Variants in GAK observed in about 807,000 individuals in gnomAD.
GAK encodes the protein cyclin-G-associated kinase.
A neutral mutation model predicts 143.9 loss-of-function variants in GAK; 79 were observed. The ratio of observed to expected loss-of-function variants is 0.55; its 90% CI spans 0.46 to 0.66. The LOEUF is 0.66. GAK is among the 30% of genes least tolerant of loss of function. The pLI, the probability that GAK is intolerant of heterozygous loss-of-function variation, is 0.00. For synonymous variants in GAK, 881 were observed against 765.5 expected (o/e 1.15, Z -2.49); for missense variants, 1,693 against 1,779.7 (o/e 0.95, Z 0.88).
chr4:913,544 T>C, intron 2 of GAK, 63 bp downstream of exon 2: 1 of 1,262,608 alleles, frequency 7.9e-7, no homozygotes, highest in South Asian at 1.2e-5. Flanking sequence ...CTGAAAAGAC[T>C]GTCACCAGAC....
At chr4:905,376 T>C (rs545863573) in intron 4 of GAK, among the ~76,000 whole-genome samples, 32 of 152,328 alleles carry the variant, frequency 2.1e-4, no homozygotes, top group African/African-American at 7.0e-4. Flanking sequence ...GTTAACATCA[T>C]CACCGTGGAG....
chr4:914,746 C>CCACA (rs1722787722), intron 1 of GAK, among the ~76,000 whole-genome samples: 6 of 115,254 alleles, frequency 5.2e-5, no homozygotes, highest in Non-Finnish European at 1.1e-4. Context: ...GTGCAAGGCC[C>CCACA]CACACACAGC....
chr4:872,737 G>C (rs1403977537), intron 18 of GAK: 3 of 152,568 alleles, frequency 2.0e-5, no homozygotes, highest in Non-Finnish European at 4.4e-5. Flanking sequence ...TGCAGGCTCG[G>C]CTCACCCAGC....
At chr4:905,655 G>A (rs186344237) in intron 4 of GAK, among the ~76,000 whole-genome samples, 8 of 149,252 alleles carry the variant, frequency 5.4e-5, no homozygotes, top group Non-Finnish European at 7.4e-5. Context: ...GCCATGCCAC[G>A]GACTCTGCCA....
intron 24 of GAK, chr4:859,201 G>A (rs1490382383): frequency 1.0e-6 from 1 of 985,468 alleles, no homozygotes; most frequent in Non-Finnish European, 1.2e-6. Context: ...TGAGGCAGAC[G>A]CAGGACTGGA....
At chr4:929,177 C>G (rs1020519045) in intron 1 of GAK, among the ~76,000 whole-genome samples, 7 of 152,286 alleles carry the variant, frequency 4.6e-5, no homozygotes, top group African/African-American at 1.7e-4. Flanking sequence ...TAGGCTGTGC[C>G]CTCCCCATTC....
Position 867,185 on chromosome 4 carries a change from G to A in GAK, c.2643C>T (p.Val881=), listed in dbSNP as rs754906971. ...LPEPVPQEDG[V]DLLGLHSEVG... Reference sequence around the variant, plus strand: ...CCTCGGAGTGCAGGCCCAGGAGGTCGACCCCGTCTTCCTGTGGCACAGGCT... The same window carrying A: ...CCTCGGAGTGCAGGCCCAGGAGGTCAACCCCGTCTTCCTGTGGCACAGGCT... Residue 881 remains valine (V), a synonymous_variant, in exon 21 of 28, where the codon GTC becomes GTT. Coordinates refer to ENST00000314167, the MANE Select transcript of GAK (RefSeq NM_005255.4). The A allele has an allele frequency of 1.9e-5, 31 of 1,609,042 alleles. No individual in the cohort carries two copies. Among genetic ancestry groups the A allele is most frequent in the South Asian group, 5.5e-5 (5 of 90,514 alleles).
Position 871,024 on chromosome 4 carries a change from A to C in GAK, c.2055-120T>G, listed in dbSNP as rs939524277. Reference sequence around the variant, plus strand: ...CAGCTGCAGGCAGCGGGGCGAGAACAACCAGGGCAGCCGGCCACCCCCGCC... The same window carrying C: ...CAGCTGCAGGCAGCGGGGCGAGAACCACCAGGGCAGCCGGCCACCCCCGCC... On this transcript the variant is annotated intron_variant, in intron 18 of 27. Transcript: ENST00000314167. 10 of 878,420 alleles carry C rather than the reference A, an allele frequency of 1.1e-5. No individual in the cohort carries two copies. The South Asian group carries it at 1.5e-4, about 13-fold the overall frequency. The allele number at this position is 878,420 out of a possible 1,614,324, so 54.4% of individuals were successfully genotyped here. A position where few individuals can be genotyped will look rare whatever the true frequency, so the allele number is the denominator to read the frequency against.
chr4:870,982 T>C (rs1379122076), intron 18 of GAK, 78 bp from the exon 19 acceptor site: 2 of 1,307,876 alleles, frequency 1.5e-6, no homozygotes, highest in Admixed American at 4.7e-5. Context: ...TAAAGAAACG[T>C]GCATGGAAAC....
rs1720761392 is a variant in GAK, at chr4:904,773, A to G, written c.389T>C (p.Leu130Pro). 6.2e-7 allele frequency: 1 copy of G among 1,613,938 alleles called. No individual in the cohort carries two copies. The highest frequency in any genetic ancestry group is 8.5e-7 in the Non-Finnish European group (1 of 1,179,878). Reference protein sequence around the residue: ...LLLTELCKGQLVEFLKKMESR... With the variant: ...LLLTELCKGQPVEFLKKMESR... ...TTCCATTTTCTTCAAAAATTCCACC[A>G]GCTGCCCTAAAAGAGAATGAAACTC... The change falls in exon 5 of 28, where the codon CTG becomes CCG. Residue 130 changes from leucine to proline, a missense_variant. By Grantham distance (98) the Leu-to-Pro change is moderately conservative. Around this residue, in one of 2 missense-constraint regions of GAK, gnomAD observed 871 missense variants for 991.0 expected, o/e 0.88. Transcript: ENST00000314167.
rs756641298 is a variant in GAK at position 851,065 on chromosome 4, A to G, written c.3528T>C (p.Ser1176=). ...APSFAQKPKV[S]ENDFEDLLSN... Reference sequence around the variant, plus strand: ...ACAACAGATCTTCAAAGTCGTTCTCAGAGACTTTTGGCTTTTGAGCTAGAA... The same window carrying G: ...ACAACAGATCTTCAAAGTCGTTCTCGGAGACTTTTGGCTTTTGAGCTAGAA... The change falls in exon 26 of 28, where the codon TCT becomes TCC. Residue 1176 remains serine, a synonymous_variant. Coordinates refer to ENST00000314167, the MANE Select transcript of GAK (RefSeq NM_005255.4). 21 of 1,613,808 alleles carry G rather than the reference A, an allele frequency of 1.3e-5. 1 individual carries two copies. The East Asian group carries it at 3.1e-4, about 24-fold the overall frequency.
At chr4:897,045 C>G (rs537495981) in intron 6 of GAK, among the ~76,000 whole-genome samples, 3 of 152,198 alleles carry the variant, frequency 2.0e-5, no homozygotes, top group Admixed American at 6.5e-5. Context: ...GAGGCACTTG[C>G]GAGAGGCAGA....
intron 24 of GAK, among the ~76,000 whole-genome samples, chr4:856,567 T>TCAC (rs1393416242): frequency 1.8e-3 from 169 of 92,542 alleles, no homozygotes; most frequent in African/African-American, 7.0e-3. Flanking sequence ...CCACAGCTGC[T>TCAC]CACCACAGCT....
chr4:863,886 G>A (rs1174420855), intron 23 of GAK, among the ~76,000 whole-genome samples: 1 of 152,170 alleles, frequency 6.6e-6, no homozygotes, highest in Non-Finnish European at 1.5e-5. Context: ...AGTTGGGCGT[G>A]GTGGCAGGCA....
chr4:900,337 C>G (rs984057881), intron 5 of GAK, among the ~76,000 whole-genome samples: 1 of 152,258 alleles, frequency 6.6e-6, no homozygotes, highest in Non-Finnish European at 1.5e-5. Context: ...CAGACTCCCA[C>G]GGCGGAGGCC....
rs1553889064 is a variant in GAK, at chr4:902,605, A to AAAAAAAAAAC, written c.525+2022_525+2031dup. 8.4e-5 allele frequency among the ~76,000 whole-genome samples: 11 copies of AAAAAAAAAAC among 130,382 alleles called. 3 individuals are homozygous for AAAAAAAAAAC. The highest frequency in any genetic ancestry group is 4.9e-4 in the East Asian group (2 of 4,098). 85.5% of individuals were successfully genotyped at this position (130,382 alleles called of 152,430 possible). Reference sequence around the variant, plus strand: ...TGTAGAGTGACTGACTCAAAAAAAAAAAAAAAAAACCCCAAAAAACCTCTT... The same window carrying AAAAAAAAAAC: ...TGTAGAGTGACTGACTCAAAAAAAAAAAAAAAAAACAAAAAAAAACCCCAAAAAACCTCTT... On this transcript the variant is annotated intron_variant, in intron 5 of 27. Coordinates refer to ENST00000314167, the MANE Select transcript of GAK (RefSeq NM_005255.4).
At chr4:852,634 G>A (rs1451315683) in intron 24 of GAK, 2 of 153,182 alleles carry the variant, frequency 1.3e-5, no homozygotes, top group East Asian at 1.9e-4. Flanking sequence ...AGTAGAGGTG[G>A]GATTTCACCA....
At chr4:911,500 C>T (rs559098840) in intron 4 of GAK, among the ~76,000 whole-genome samples, 173 bp downstream of exon 4, 1 of 152,276 alleles carries the variant, frequency 6.6e-6, no homozygotes, top group African/African-American at 2.4e-5. Flanking sequence ...TGGGCGTCAG[C>T]GTGGGCCTCT....
At chr4:929,925 G>A (rs1174935626) in intron 1 of GAK, among the ~76,000 whole-genome samples, 1 of 152,198 alleles carries the variant, frequency 6.6e-6, no homozygotes, top group Non-Finnish European at 1.5e-5. Flanking sequence ...ATCCCACAGT[G>A]AGAATATTTA....
Sources: allele counts gnomAD v4.1 joint callset (sites outside exome capture counted in the v4.1 genomes callset), GRCh38; gene constraint gnomAD v4.1.1; regional missense constraint gnomAD v4.1.1; transcripts MANE v1.5; gene names NCBI Gene and HGNC (gene_info 2026-07-23, HGNC 2026-07-21).